The following IGFL2 variants were observed in gnomAD, a reference collection of about 807,000 sequenced individuals.
The protein encoded by IGFL2 is IGF like family member 2, also known as insulin growth factor-like family member 2.
A neutral mutation model predicts 13.9 loss-of-function variants in IGFL2; 7 were observed. The observed-to-expected ratio is 0.51, with a 90% CI of 0.29 to 0.95. The LOEUF (loss-of-function observed/expected upper bound fraction) is 0.95, where lower values mean the gene tolerates loss of function less well. IGFL2 is among the 40% of genes least tolerant of loss of function. The pLI, the probability that IGFL2 is intolerant of heterozygous loss-of-function variation, is 0.08. For missense variants in IGFL2, 138 were observed against 147.8 expected (o/e 0.93, Z 0.34); for synonymous variants, 55 against 55.8 (o/e 0.99, Z 0.07).
the IGFL2 span, among the ~76,000 whole-genome samples, chr19:46,104,137 TG>T: frequency 6.6e-6 from 1 of 152,188 alleles, no homozygotes; most frequent in East Asian, 1.9e-4. Context: ...TCTAGCCTGC[TG>T]GAAGACTGGA....
At chr19:46,121,038 T>C in the IGFL2 span, among the ~76,000 whole-genome samples, 12 of 150,664 alleles carry the variant, frequency 8.0e-5, no homozygotes, top group South Asian at 8.4e-4. Context: ...TATTTGCATT[T>C]CAAGATACAT....
At chr19:46,154,183 A>G (rs1057393826) in intron 1 of IGFL2, among the ~76,000 whole-genome samples, 1 of 150,882 alleles carries the variant, frequency 6.6e-6, no homozygotes, top group Non-Finnish European at 1.5e-5. Context: ...TTTTTTTACT[A>G]TTTTTTCCTG....
At chr19:46,116,883 C>A in the IGFL2 span, among the ~76,000 whole-genome samples, 2 of 152,116 alleles carry the variant, frequency 1.3e-5, no homozygotes, top group African/African-American at 4.8e-5. Flanking sequence ...TTTTCACACT[C>A]GAATTTAACT....
chr19:46,173,634 A>G, the IGFL2 span: 1 of 152,160 alleles, frequency 6.6e-6, no homozygotes, highest in African/African-American at 2.4e-5. Context: ...CAGGGTGAGA[A>G]CTCACTTATT....
At chr19:46,093,369 A>G in the IGFL2 span, among the ~76,000 whole-genome samples, 1 of 152,236 alleles carries the variant, frequency 6.6e-6, no homozygotes, top group Non-Finnish European at 1.5e-5. Context: ...AATAAAATGC[A>G]TTCTCAGAAA....
chr19:46,142,586 A>G (rs1474741943), upstream of IGFL2, among the ~76,000 whole-genome samples: 2 of 152,266 alleles, frequency 1.3e-5, no homozygotes, highest in Non-Finnish European at 2.9e-5. Context: ...TTATCTATCT[A>G]TGTTTAAATT....
chr19:46,205,701 G>A, the IGFL2 span, among the ~76,000 whole-genome samples: 1 of 151,992 alleles, frequency 6.6e-6, no homozygotes, highest in East Asian at 1.9e-4. Flanking sequence ...CGATTTTCTT[G>A]GTTTGAGACA....
At chr19:46,116,390 C>T in the IGFL2 span, among the ~76,000 whole-genome samples, 4 of 152,130 alleles carry the variant, frequency 2.6e-5, no homozygotes, top group Non-Finnish European at 4.4e-5. Flanking sequence ...AATAGTCTGA[C>T]TGGGAAATCC....
At chr19:46,176,045 G>A in the IGFL2 span, among the ~76,000 whole-genome samples, 106 of 133,014 alleles carry the variant, frequency 8.0e-4, 1 homozygote, top group Middle Eastern at 0.022. Context: ...AGTGGAGACG[G>A]GGTTTCACCA....
the IGFL2 span, among the ~76,000 whole-genome samples, chr19:46,123,652 T>G: frequency 1.3e-5 from 2 of 150,846 alleles, no homozygotes; most frequent in Non-Finnish European, 2.9e-5. Flanking sequence ...GAGTGTCTGG[T>G]GATAGCTGGG....
the IGFL2 span, among the ~76,000 whole-genome samples, chr19:46,079,898 G>A: frequency 6.6e-6 from 1 of 152,122 alleles, no homozygotes. Flanking sequence ...GCCCATCAAG[G>A]AAGAACCCTA....
chr19:46,125,844 G>A, the IGFL2 span, among the ~76,000 whole-genome samples: 2 of 152,166 alleles, frequency 1.3e-5, no homozygotes, highest in Admixed American at 6.6e-5. Flanking sequence ...GTTTGAGTTT[G>A]ATTAGGTAAA....
chr19:46,117,704 C>T, the IGFL2 span, among the ~76,000 whole-genome samples: 1 of 152,158 alleles, frequency 6.6e-6, no homozygotes, highest in Non-Finnish European at 1.5e-5. Flanking sequence ...TGGCCTCGAT[C>T]TCTTGACCTC....
the IGFL2 span, among the ~76,000 whole-genome samples, chr19:46,176,071 T>G: frequency 1.5e-5 from 2 of 134,008 alleles, no homozygotes; most frequent in African/African-American, 2.9e-5. Context: ...GTCAGGCTGG[T>G]CTTGAACTCC....
the IGFL2 span, among the ~76,000 whole-genome samples, chr19:46,083,224 G>T: frequency 1.6e-4 from 25 of 152,182 alleles, no homozygotes; most frequent in African/African-American, 5.8e-4. Flanking sequence ...AAAGACATAC[G>T]TATAAGACTA....
At chr19:46,140,954 A>G (rs1453695452), upstream of IGFL2, among the ~76,000 whole-genome samples, 1 of 152,180 alleles carries the variant, frequency 6.6e-6, no homozygotes, top group African/African-American at 2.4e-5. Flanking sequence ...GGGAAGGGGG[A>G]AAGTAACCGC....
chr19:46,182,365 TAAAAAAAA>T, the IGFL2 span, among the ~76,000 whole-genome samples: 75 of 78,690 alleles, frequency 9.5e-4, 1 homozygote, highest in Admixed American at 0.011. Flanking sequence ...AGACTTTGCC[TAAAAAAAA>T]AAAAAAAAAA....
the IGFL2 span, among the ~76,000 whole-genome samples, chr19:46,171,550 T>C: frequency 2.0e-4 from 30 of 152,312 alleles, no homozygotes; most frequent in East Asian, 5.6e-3. Context: ...CCATTTTCTG[T>C]CAGGGCAAAT....
the IGFL2 span, chr19:46,173,932 A>T: frequency 6.6e-6 from 1 of 152,236 alleles, no homozygotes; most frequent in African/African-American, 2.4e-5. Context: ...TTGTGTTCTT[A>T]CCAAAACCCT....
Sources: allele counts gnomAD v4.1 joint callset (sites outside exome capture counted in the v4.1 genomes callset), GRCh38; gene constraint gnomAD v4.1.1; transcripts MANE v1.5; gene names NCBI Gene and HGNC (gene_info 2026-07-23, HGNC 2026-07-21).